GOLIM4: variants seen among roughly 807,000 people sequenced by gnomAD.
GOLIM4 encodes 130 kDa golgi-localized phosphoprotein.
Under a neutral mutation model 107.4 loss-of-function variants are expected in GOLIM4, and 71 were observed. The observed-to-expected ratio is 0.66, with a 90% CI of 0.55 to 0.81. GOLIM4 has a LOEUF of 0.81. Ranked by LOEUF, GOLIM4 falls within the 30% of genes least tolerant of loss-of-function variation. GOLIM4 has a pLI of 0.00. For missense variants in GOLIM4, 830 were observed against 826.1 expected (o/e 1.00, Z -0.06); for synonymous variants, 327 against 294.8 (o/e 1.11, Z -1.12).
chr3:168,023,890 T>C (rs548679312), intron 14 of GOLIM4, among the ~76,000 whole-genome samples: 1 of 151,780 alleles, frequency 6.6e-6, no homozygotes, highest in African/African-American at 2.4e-5. Flanking sequence ...ACGCTACTTA[T>C]ATCTAATTAA....
At position 168,024,966 on chromosome 3, in the gene GOLIM4, G is replaced by C. The variant is rs766704205; in HGVS notation, c.1753C>G (p.Gln585Glu). 1 of 1,613,966 alleles carries C rather than the reference G, an allele frequency of 6.2e-7. No individual in the cohort carries two copies. Among genetic ancestry groups the C allele is most frequent in the Non-Finnish European group, 8.5e-7 (1 of 1,179,924 alleles). ...DENEEQKQSNQKQENTEVEEH... is the reference protein window; with the variant it reads ...DENEEQKQSNEKQENTEVEEH... ...TCCACTTCTGTATTCTCTTGCTTTT[G>C]ATTACTTTGTTTTTGCTCTTCATTT... The change falls in exon 13 of 16, where the codon CAA (glutamine) becomes GAA (glutamate). Residue 585 changes from glutamine (Q) to glutamate (E), a missense_variant. Coordinates refer to ENST00000470487, the MANE Select transcript of GOLIM4 (RefSeq NM_014498.5).
chr3:168,059,055 A>G (rs73037480), intron 1 of GOLIM4, among the ~76,000 whole-genome samples: 129 of 152,288 alleles, frequency 8.5e-4, no homozygotes, highest in African/African-American at 2.9e-3. Flanking sequence ...TGCCCTTAAG[A>G]TGGATAAAAT....
At chr3:168,073,483 T>C (rs900007137) in intron 1 of GOLIM4, among the ~76,000 whole-genome samples, 2 of 152,218 alleles carry the variant, frequency 1.3e-5, no homozygotes, top group African/African-American at 4.8e-5. Context: ...ATTGATTACC[T>C]ACTATATTTC....
At chr3:168,014,155 A>G (rs1271117948) in intron 14 of GOLIM4, among the ~76,000 whole-genome samples, 1 of 148,402 alleles carries the variant, frequency 6.7e-6, no homozygotes, top group East Asian at 2.0e-4. Flanking sequence ...AGACTAATAA[A>G]GAAAAAAAGA....
chr3:168,047,912 T>C (rs375385463), intron 2 of GOLIM4, among the ~76,000 whole-genome samples: 275 of 152,324 alleles, frequency 1.8e-3, no homozygotes, highest in African/African-American at 6.3e-3. Flanking sequence ...ATTTGTCATA[T>C]TCTGGACAAT....
chr3:168,052,256 C>T (rs965279191), intron 1 of GOLIM4, among the ~76,000 whole-genome samples: 3 of 152,026 alleles, frequency 2.0e-5, no homozygotes, highest in Non-Finnish European at 4.4e-5. Context: ...TTAAAAGTGC[C>T]AGAGAAAAAA....
At chr3:168,050,976 G>A (rs1221944713) in intron 1 of GOLIM4, among the ~76,000 whole-genome samples, 2 of 152,014 alleles carry the variant, frequency 1.3e-5, no homozygotes, top group African/African-American at 4.8e-5. Flanking sequence ...GTCAAGGATA[G>A]AGGGGAAAAA....
intron 1 of GOLIM4, among the ~76,000 whole-genome samples, chr3:168,094,789 T>C (rs905351292): frequency 6.6e-6 from 1 of 152,218 alleles, no homozygotes; most frequent in South Asian, 2.1e-4. Flanking sequence ...CTGCCCCGAT[T>C]GCAGCTGGGC....
chr3:168,066,640 A>G (rs985954104), intron 1 of GOLIM4, among the ~76,000 whole-genome samples: 1 of 152,170 alleles, frequency 6.6e-6, no homozygotes, highest in African/African-American at 2.4e-5. Context: ...AGTATCAATC[A>G]TAACAAACTA....
intron 8 of GOLIM4, among the ~76,000 whole-genome samples, chr3:168,036,030 C>A (rs1259764264): frequency 6.6e-6 from 1 of 152,138 alleles, no homozygotes; most frequent in Non-Finnish European, 1.5e-5. Context: ...CAAATTTTGA[C>A]ATGCTCTGTG....
At chr3:168,024,398 T>C in intron 14 of GOLIM4, 128 bp downstream of exon 14, 2 of 762,450 alleles carry the variant, frequency 2.6e-6, no homozygotes, top group Non-Finnish European at 4.6e-6. Flanking sequence ...CACCCTTTCT[T>C]ATCCTGCTTA....
chr3:168,093,716 T>A (rs1005244847), intron 1 of GOLIM4, among the ~76,000 whole-genome samples: 3 of 152,224 alleles, frequency 2.0e-5, no homozygotes, highest in African/African-American at 7.2e-5. Context: ...TAAGAGCGTA[T>A]CAAAACGGGT....
intron 8 of GOLIM4, among the ~76,000 whole-genome samples, chr3:168,033,081 G>C (rs944252192): frequency 1.1e-4 from 16 of 152,076 alleles, no homozygotes; most frequent in African/African-American, 3.4e-4. Context: ...GAAGAATACA[G>C]TAAATAACCT....
At chr3:168,034,956 T>G (rs1718562849) in intron 8 of GOLIM4, among the ~76,000 whole-genome samples, 1 of 149,424 alleles carries the variant, frequency 6.7e-6, no homozygotes, top group South Asian at 2.1e-4. Flanking sequence ...CTTTCTTTTT[T>G]AAATCAACCA....
rs138877966 is a variant in GOLIM4 at position 168,035,913 on chromosome 3, TATG to T, written c.843+920_843+922del. On this transcript the variant is annotated intron_variant, in intron 8 of 15. Coordinates refer to ENST00000470487, the MANE Select transcript of GOLIM4 (RefSeq NM_014498.5). ...TGGTAACTACTTCTGATGTCTCACT[TATG>T]AGATATTCTTAAGGCTTAATTTTTA... 7.5e-3 allele frequency among the ~76,000 whole-genome samples: 1,146 copies of T among 152,084 alleles called. 17 individuals are homozygous for T. The highest frequency in any genetic ancestry group is 0.026 in the African/African-American group (1,085 of 41,500).
At chr3:168,024,705 C>T (rs185619508) in intron 13 of GOLIM4, 111 bp from the exon 14 acceptor site, 105 of 935,772 alleles carry the variant, frequency 1.1e-4, no homozygotes, top group East Asian at 6.8e-4. Flanking sequence ...ACTTTCAAAG[C>T]GTCTGTGGCC....
rs145361676 is a variant in GOLIM4 at position 168,010,654 on chromosome 3, T to C, written c.1941+89A>G. ...ACTCAGAGGTACCATTACCCACTGG[T>C]ACGTATCCCAAATACATATATCTCT... On this transcript the variant is annotated intron_variant, in intron 15 of 15. Transcript: ENST00000470487. 8.0e-4 allele frequency: 805 copies of C among 1,000,006 alleles called. 1 individual carries two copies. Among genetic ancestry groups the C allele is most frequent in the Non-Finnish European group, 1.1e-3 (729 of 635,794 alleles). The allele number at this position is 1,000,006 out of a possible 1,614,324, so 61.9% of individuals were successfully genotyped here.
chr3:168,074,326 GTTAT>G (rs1267297844), intron 1 of GOLIM4, among the ~76,000 whole-genome samples: 3 of 152,272 alleles, frequency 2.0e-5, no homozygotes, highest in East Asian at 1.9e-4. Context: ...GGTTTTTGGA[GTTAT>G]TTGTTACATG....
intron 1 of GOLIM4, among the ~76,000 whole-genome samples, chr3:168,075,815 A>G (rs1721060173): frequency 6.6e-6 from 1 of 152,218 alleles, no homozygotes; most frequent in Non-Finnish European, 1.5e-5. Context: ...ACCAGTTTTC[A>G]GTTTCTGACA....
Sources: gnomAD v4.1 joint callset for allele counts (sites outside exome capture counted in the v4.1 genomes callset) on GRCh38, gnomAD v4.1.1 for gene constraint, MANE v1.5 for transcripts, NCBI Gene and HGNC (gene_info 2026-07-23, HGNC 2026-07-21) for gene names.